Variants in DACH1 observed in about 807,000 individuals in gnomAD.
The protein encoded by DACH1 is dachshund family transcription factor 1.
A neutral mutation model predicts 54.2 loss-of-function variants in DACH1; 12 were observed. The ratio of observed to expected loss-of-function variants is 0.22; its 90% CI spans 0.14 to 0.36. The LOEUF is 0.36. Ranked by LOEUF, DACH1 falls within the 10% of genes least tolerant of loss-of-function variation. The pLI is 1.00. For synonymous variants in DACH1, 386 were observed against 366.2 expected (o/e 1.05, Z -0.62); for missense variants, 805 against 929.8 (o/e 0.87, Z 1.75).
At chr13:71,862,345 C>T (rs1307073068) in intron 1 of DACH1, among the ~76,000 whole-genome samples, 2 of 151,930 alleles carry the variant, frequency 1.3e-5, no homozygotes. Flanking sequence ...TACATAATTA[C>T]TTTTCTTTTT....
Position 71,487,217 on chromosome 13 carries a change from T to C in DACH1, c.1722+1780A>G, listed in dbSNP as rs115381722. On this transcript the variant is annotated intron_variant, in intron 7 of 10. Coordinates refer to ENST00000613252, the MANE Select transcript of DACH1 (RefSeq NM_080759.6). ...TAACTTTATCAGTCCCAGATCCCTA[T>C]AATTTGGGAATAGAAATAAATTATT... Among the ~76,000 whole-genome samples the C allele has an allele frequency of 2.3e-3, 344 of 152,290 alleles. 3 individuals are homozygous for C. The highest frequency in any genetic ancestry group is 8.0e-3 in the African/African-American group (333 of 41,574).
At chr13:71,552,169 G>T (rs1883857687) in intron 6 of DACH1, among the ~76,000 whole-genome samples, 1 of 152,086 alleles carries the variant, frequency 6.6e-6, no homozygotes, top group South Asian at 2.1e-4. Flanking sequence ...ATTTTAACGA[G>T]GAAAGGGAGA....
intron 1 of DACH1, among the ~76,000 whole-genome samples, chr13:71,856,925 T>C (rs1177904816): frequency 6.6e-6 from 1 of 151,898 alleles, no homozygotes; most frequent in African/African-American, 2.4e-5. Context: ...ATGGCAAAGC[T>C]TTTAGAACAG....
chr13:71,769,176 G>A (rs2138030398), intron 1 of DACH1, among the ~76,000 whole-genome samples: 1 of 151,818 alleles, frequency 6.6e-6, no homozygotes, highest in African/African-American at 2.4e-5. Flanking sequence ...TACAGCATCT[G>A]TGAAAGATGT....
intron 7 of DACH1, among the ~76,000 whole-genome samples, chr13:71,479,853 C>G (rs1393527781): frequency 6.6e-6 from 1 of 152,134 alleles, no homozygotes; most frequent in Non-Finnish European, 1.5e-5. Flanking sequence ...TCTTTCTGTT[C>G]CCTTCCTGAA....
intron 10 of DACH1, among the ~76,000 whole-genome samples, chr13:71,462,908 ACACACACAT>A (rs1555283157): frequency 1.5e-5 from 1 of 68,870 alleles, no homozygotes; most frequent in African/African-American, 3.9e-5. Flanking sequence ...ACACACACAC[ACACACACAT>A]AAACCATGAA....
At chr13:71,644,943 T>C (rs187581661) in intron 2 of DACH1, among the ~76,000 whole-genome samples, 5 of 152,236 alleles carry the variant, frequency 3.3e-5, no homozygotes, top group Admixed American at 2.6e-4. Context: ...AAAGGAGACT[T>C]CTGAGAAGAG....
At chr13:71,559,707 T>A (rs989571186) in intron 5 of DACH1, 113 bp downstream of exon 5, 11 of 1,369,344 alleles carry the variant, frequency 8.0e-6, no homozygotes, top group Non-Finnish European at 1.1e-5. Flanking sequence ...TGCTACAGAG[T>A]TTCAGAACAT....
rs748058171 is a variant in DACH1 at position 71,866,526 on chromosome 13, T to TGCCGCCGCC, written c.235_243dup (p.Gly79_Gly81dup). 1.1e-3 allele frequency: 1,395 copies of TGCCGCCGCC among 1,233,868 alleles called. 8 individuals carry two copies. The East Asian group carries it at 0.021, about 19-fold the overall frequency. The allele number at this position is 1,233,868 out of a possible 1,614,324, so 76.4% of individuals were successfully genotyped here. A position where few individuals can be genotyped will look rare whatever the true frequency, so the allele number is the denominator to read the frequency against. Reference sequence around the variant, plus strand: ...CCGCTGCTGCCGCCGCCGCCTCCGCTGCCGCCGCCGCCGCCGCCGCCGCCG... The same window carrying TGCCGCCGCC: ...CCGCTGCTGCCGCCGCCGCCTCCGCTGCCGCCGCCGCCGCCGCCGCCGCCGCCGCCGCCG... On this transcript the variant is annotated inframe_insertion, in exon 1 of 11. Transcript: ENST00000613252.
intron 1 of DACH1, among the ~76,000 whole-genome samples, chr13:71,779,232 TATAC>T (rs1886244222): frequency 1.0e-5 from 1 of 95,684 alleles, no homozygotes; most frequent in Non-Finnish European, 1.9e-5. Flanking sequence ...TATACGTATA[TATAC>T]ACATATATAC....
At chr13:71,674,927 T>C (rs1333314056) in intron 2 of DACH1, 16 of 629,488 alleles carry the variant, frequency 2.5e-5, no homozygotes, top group Non-Finnish European at 4.0e-5. Context: ...TTCCTAGATA[T>C]ATAAATATAT....
intron 10 of DACH1, among the ~76,000 whole-genome samples, chr13:71,447,430 A>C (rs1874563994): frequency 6.6e-6 from 1 of 152,230 alleles, no homozygotes. Context: ...GTTATTGCTA[A>C]CATCTAATAC....
Position 71,866,721 on chromosome 13 carries a change from GA to G in DACH1, c.48del (p.Gln17AsnfsTer177). On this transcript the variant is annotated frameshift_variant, in exon 1 of 11. Transcript: ENST00000613252. LOFTEE classifies it high-confidence loss of function. The part of the protein sequence containing the change: ...ALIPPTQLVP[P>X]QPPISTSASS... ...GAAGCAGACGTGGAGATTGGGGGTT[GA>G]GGGGGGACCAGCTGGGTCGGAGGGA... 6.9e-7 allele frequency: 1 copy of G among 1,446,408 alleles called. No homozygotes were observed. Among genetic ancestry groups the G allele is most frequent in the Non-Finnish European group, 9.2e-7 (1 of 1,091,090 alleles). The allele number at this position is 1,446,408 out of a possible 1,614,324, so 89.6% of individuals were successfully genotyped here.
At chr13:71,440,864 TGAG>T (rs1873952089) in intron 10 of DACH1, among the ~76,000 whole-genome samples, 172 bp from the exon 11 acceptor site, 1 of 152,040 alleles carries the variant, frequency 6.6e-6, no homozygotes, top group Non-Finnish European at 1.5e-5. Flanking sequence ...ATAATTACAC[TGAG>T]TTTATGTGAC....
At chr13:71,469,658 C>G (rs182579933) in intron 10 of DACH1, among the ~76,000 whole-genome samples, 2 of 152,248 alleles carry the variant, frequency 1.3e-5, no homozygotes, top group Admixed American at 1.3e-4. Context: ...TCTTAAAGTC[C>G]TTTCCCAATG....
At chr13:71,771,373 C>T (rs584480) in intron 1 of DACH1, among the ~76,000 whole-genome samples, 75,851 of 150,446 alleles carry the variant, frequency 0.5, 20,467 homozygotes, top group East Asian at 0.87. Context: ...GCCAGAATGA[C>T]CAAATGACAG....
intron 3 of DACH1, among the ~76,000 whole-genome samples, chr13:71,583,220 C>G (rs767681120): frequency 5.3e-5 from 8 of 152,094 alleles, no homozygotes; most frequent in Non-Finnish European, 1.2e-4. Flanking sequence ...GATTCAATGT[C>G]TGACTCGAGT....
chr13:71,687,722 G>A (rs376162563), intron 1 of DACH1, among the ~76,000 whole-genome samples: 5 of 152,032 alleles, frequency 3.3e-5, no homozygotes, highest in East Asian at 1.9e-4. Flanking sequence ...GATCCTCCCC[G>A]CTCAGCCTCC....
At chr13:71,764,701 T>C (rs1035178398) in intron 1 of DACH1, among the ~76,000 whole-genome samples, 2 of 152,200 alleles carry the variant, frequency 1.3e-5, no homozygotes, top group Non-Finnish European at 2.9e-5. Flanking sequence ...AATAAATATA[T>C]GCACAATGCA....
Sources: gnomAD v4.1 joint callset for allele counts (sites outside exome capture counted in the v4.1 genomes callset) on GRCh38, gnomAD v4.1.1 for gene constraint, MANE v1.5 for transcripts, NCBI Gene and HGNC (gene_info 2026-07-23, HGNC 2026-07-21) for gene names.